Variants in STAC observed in about 807,000 individuals in gnomAD.
STAC encodes SH3 and cysteine rich domain, also known as SH3 and cysteine-rich domain-containing protein.
STAC carries 43 observed loss-of-function variants against 48.8 expected under a neutral mutation model. That is an observed-to-expected ratio of 0.88 (90% CI 0.69 to 1.14). The LOEUF is 1.14. Among genes scored for constraint, STAC ranks in the 50% most tolerant of loss-of-function variants. The probability of loss-of-function intolerance (pLI) is 0.00; values close to 1 mark genes in which losing one functional copy is unlikely to be tolerated. For synonymous variants in STAC, 193 were observed against 179.5 expected (o/e 1.07, Z -0.60); for missense variants, 497 against 504.0 (o/e 0.99, Z 0.13).
At chr3:36,408,164 CT>C (rs1649711181) in intron 1 of STAC, among the ~76,000 whole-genome samples, 1 of 152,224 alleles carries the variant, frequency 6.6e-6, no homozygotes, top group African/African-American at 2.4e-5. Context: ...ATCACAGTGA[CT>C]ATCCCATCAC....
intron 1 of STAC, among the ~76,000 whole-genome samples, chr3:36,431,503 G>A (rs903906707): frequency 1.3e-5 from 2 of 152,140 alleles, no homozygotes; most frequent in Admixed American, 1.3e-4. Flanking sequence ...GCAGGCAGGG[G>A]CTCTCTCTGA....
chr3:36,395,783 T>C (rs1483288400), intron 1 of STAC, among the ~76,000 whole-genome samples: 1 of 152,190 alleles, frequency 6.6e-6, no homozygotes, highest in African/African-American at 2.4e-5. Context: ...AGGTTATCAG[T>C]CAACCTTCAG....
chr3:36,501,714 A>G (rs1427494121), intron 6 of STAC, among the ~76,000 whole-genome samples: 1 of 152,202 alleles, frequency 6.6e-6, no homozygotes, highest in East Asian at 1.9e-4. Flanking sequence ...TCTACGAAAC[A>G]TTTAAGGAAG....
chr3:36,500,493 T>C (rs955947841), intron 6 of STAC, among the ~76,000 whole-genome samples: 6 of 152,038 alleles, frequency 3.9e-5, no homozygotes, highest in African/African-American at 1.4e-4. Context: ...AGCTAATGCA[T>C]GCTGGGCTTA....
chr3:36,454,570 A>T (rs1162429592), intron 2 of STAC, among the ~76,000 whole-genome samples: 1 of 152,202 alleles, frequency 6.6e-6, no homozygotes, highest in Non-Finnish European at 1.5e-5. Context: ...CTAATCTTAG[A>T]AAGACATGGA....
At chr3:36,384,879 T>C (rs1699584173) in intron 1 of STAC, among the ~76,000 whole-genome samples, 1 of 152,174 alleles carries the variant, frequency 6.6e-6, no homozygotes, top group Non-Finnish European at 1.5e-5. Context: ...CCCAGAAAGA[T>C]TTCTGTGTCC....
intron 3 of STAC, 40 bp downstream of exon 3, chr3:36,483,132 C>A: frequency 1.4e-6 from 2 of 1,480,262 alleles, no homozygotes; most frequent in Non-Finnish European, 9.4e-7. Flanking sequence ...CACCTCTCTG[C>A]TAGGGCACTT....
At chr3:36,440,187 C>T (rs929934719) in intron 1 of STAC, among the ~76,000 whole-genome samples, 15 of 152,238 alleles carry the variant, frequency 9.9e-5, no homozygotes, top group African/African-American at 3.1e-4. Context: ...CACACAACCA[C>T]ACCTGACTTC....
intron 2 of STAC, among the ~76,000 whole-genome samples, chr3:36,481,930 C>G (rs1039373789): frequency 1.3e-5 from 2 of 152,232 alleles, no homozygotes; most frequent in Non-Finnish European, 2.9e-5. Context: ...CACACCCCAT[C>G]CTTCTCATCA....
intron 2 of STAC, among the ~76,000 whole-genome samples, chr3:36,451,927 T>C (rs910370066): frequency 3.3e-5 from 5 of 152,238 alleles, no homozygotes; most frequent in East Asian, 1.9e-4. Context: ...GTTTAGCTAA[T>C]GAGTCTCTTG....
chr3:36,541,978 CTT>C (rs1699338084), intron 10 of STAC, among the ~76,000 whole-genome samples: 1 of 151,402 alleles, frequency 6.6e-6, no homozygotes, highest in Non-Finnish European at 1.5e-5. Flanking sequence ...CAGGAAGTCT[CTT>C]TATGTTAGAG....
Position 36,404,285 on chromosome 3 carries a change from C to A in STAC, c.111+23531C>A, listed in dbSNP as rs1575177911. Among the ~76,000 whole-genome samples the A allele has an allele frequency of 2.0e-5, 3 of 152,190 alleles. No individual in the cohort carries two copies. The South Asian group carries it at 6.2e-4, about 32-fold the overall frequency. ...ATACCAACAAGTCTTTTTTAAAATGCAAATTGACAAATTCAGTCTACCATT... is the reference window on the plus strand; with the variant it reads ...ATACCAACAAGTCTTTTTTAAAATGAAAATTGACAAATTCAGTCTACCATT... On this transcript the variant is annotated intron_variant, in intron 1 of 10. Transcript: ENST00000273183.
chr3:36,389,421 C>A (rs1337438718), intron 1 of STAC, among the ~76,000 whole-genome samples: 1 of 152,032 alleles, frequency 6.6e-6, no homozygotes, highest in Non-Finnish European at 1.5e-5. Flanking sequence ...GAAGGCTCTG[C>A]CCTCATGTCC....
chr3:36,472,983 G>A (rs1366337305), intron 2 of STAC, among the ~76,000 whole-genome samples: 5 of 152,152 alleles, frequency 3.3e-5, no homozygotes, highest in Non-Finnish European at 7.3e-5. Context: ...TTTTCATGCT[G>A]CTGATAAAGA....
intron 8 of STAC, among the ~76,000 whole-genome samples, chr3:36,510,309 T>C (rs755142246): frequency 6.6e-6 from 1 of 152,150 alleles, no homozygotes; most frequent in African/African-American, 2.4e-5. Flanking sequence ...AAACAACAGA[T>C]GCTGGAGAGG....
At chr3:36,420,739 C>G (rs1405906913) in intron 1 of STAC, among the ~76,000 whole-genome samples, 1 of 152,168 alleles carries the variant, frequency 6.6e-6, no homozygotes, top group Non-Finnish European at 1.5e-5. Context: ...TTTCCCTATA[C>G]CACTTGTGTT....
At chr3:36,418,544 A>G (rs919908167) in intron 1 of STAC, among the ~76,000 whole-genome samples, 1 of 151,958 alleles carries the variant, frequency 6.6e-6, no homozygotes, top group African/African-American at 2.4e-5. Flanking sequence ...TCATAAGGTA[A>G]TTTTTGGTGA....
chr3:36,481,796 T>C (rs1559508014), intron 2 of STAC, among the ~76,000 whole-genome samples: 1 of 152,150 alleles, frequency 6.6e-6, no homozygotes, highest in Non-Finnish European at 1.5e-5. Flanking sequence ...GCCACCCACG[T>C]CTCTTATTTT....
At chr3:36,532,744 G>C (rs1699101519) in intron 10 of STAC, among the ~76,000 whole-genome samples, 1 of 152,174 alleles carries the variant, frequency 6.6e-6, no homozygotes. Context: ...GTGATGACCT[G>C]TTTTGGGGTC....
Sources: allele counts gnomAD v4.1 joint callset (sites outside exome capture counted in the v4.1 genomes callset), GRCh38; gene constraint gnomAD v4.1.1; transcripts MANE v1.5; gene names NCBI Gene and HGNC (gene_info 2026-07-23, HGNC 2026-07-21).